Variants in NAT14 observed in about 807,000 individuals in gnomAD.
NAT14 encodes the protein N-acetyltransferase 14 (putative).
Under a neutral mutation model 12.1 loss-of-function variants are expected in NAT14, and 14 were observed. The observed-to-expected ratio is 1.16, with a 90% CI of 0.76 to 1.81. The LOEUF (loss-of-function observed/expected upper bound fraction) is 1.81. Among genes scored for constraint, NAT14 ranks in the 40% most tolerant of loss-of-function variants. The pLI is 0.00. For synonymous variants in NAT14, 156 were observed against 145.1 expected, an observed-to-expected ratio of 1.08 and a Z score of -0.54; for missense variants, 341 against 304.3, an observed-to-expected ratio of 1.12 and a Z score of -0.90.
chr19:55,486,997 C>T lies in NAT14; in HGVS notation c.*41C>T, dbSNP rs550429766. The T allele has an allele frequency of 2.1e-4, 324 of 1,519,400 alleles. 3 individuals carry two copies. In the South Asian group the frequency reaches 3.7e-3, roughly 17 times the overall value. The allele number at this position is 1,519,400 out of a possible 1,614,324, so 94.1% of individuals were successfully genotyped here. On this transcript the variant is annotated 3_prime_UTR_variant, in exon 3 of 3. Transcript: ENST00000205194. ...GCCAGGGCAGGGGAGGAGGGAGGGGCGCCAGCACCTGATGATCGCCTACTG... is the reference window on the plus strand; with the variant it reads ...GCCAGGGCAGGGGAGGAGGGAGGGGTGCCAGCACCTGATGATCGCCTACTG...
chr19:55,485,754 A>T lies in NAT14; in HGVS notation c.46A>T (p.Lys16Ter). ...AGTGCGGGAGATGAGGGAAGATGAG[A>T]AGCCCCTGGTGCTGGAGATGCTGAA... ...LSVREMREDE[K>*]PLVLEMLKAG... The change falls in exon 2 of 3, where the codon AAG (lysine) becomes TAG (stop). Residue 16 changes from lysine to a stop codon, truncating the protein, a stop_gained. Transcript: ENST00000205194. LOFTEE classifies it high-confidence loss of function. 1 of 1,550,978 alleles carries T rather than the reference A, an allele frequency of 6.4e-7. No homozygotes were observed. The highest frequency in any genetic ancestry group is 8.7e-7 in the Non-Finnish European group (1 of 1,146,618).
At position 55,487,139 on chromosome 19, in the gene NAT14, T is replaced by C. The variant is rs1599906875; in HGVS notation, c.*183T>C. 1.0e-6 allele frequency: 1 copy of C among 956,198 alleles called. No individual in the cohort carries two copies. Among genetic ancestry groups the C allele is most frequent in the Non-Finnish European group, 1.5e-6 (1 of 680,940 alleles). The allele number at this position is 956,198 out of a possible 1,614,324, so 59.2% of individuals were successfully genotyped here. A position where few individuals can be genotyped will look rare whatever the true frequency, so the allele number is the denominator to read the frequency against. Reference sequence around the variant, plus strand: ...CTGTCCACCCGTCAGCAGTGTGAAGTCTGTTGTGTTTGAGCTTCTCAGAGT... The same window carrying C: ...CTGTCCACCCGTCAGCAGTGTGAAGCCTGTTGTGTTTGAGCTTCTCAGAGT... On this transcript the variant is annotated 3_prime_UTR_variant, in exon 3 of 3. Coordinates refer to ENST00000205194, the MANE Select transcript of NAT14 (RefSeq NM_020378.4).
Position 55,487,165 on chromosome 19 carries a change from G to A in NAT14, c.*209G>A. On this transcript the variant is annotated 3_prime_UTR_variant, in exon 3 of 3. Transcript: ENST00000205194. The stretch of plus-strand genomic sequence containing the variant: ...CTGTTGTGTTTGAGCTTCTCAGAGT[G>A]GAATGACTCCTTTTCCTTCCTGGCC... 1 of 733,592 alleles carries A rather than the reference G, an allele frequency of 1.4e-6. No homozygotes were observed. The highest frequency in any genetic ancestry group is 2.1e-6 in the Non-Finnish European group (1 of 486,590). 45.4% of individuals were successfully genotyped at this position (733,592 alleles called of 1,614,324 possible).
In NAT14 at chr19:55,486,480, G is replaced by C. The variant is rs751260123; in HGVS notation, c.145G>C (p.Ala49Pro). The change falls in exon 3 of 3, where the codon GCG (alanine) becomes CCG (proline). Residue 49 changes from alanine (A) to proline (P), a missense_variant. Transcript: ENST00000205194. ...LTRPPALLLL[A>P]AASSGLRFVL... Reference sequence around the variant, plus strand: ...ACGGCCGCCGGCCCTGCTCCTCCTGGCGGCGGCCAGCAGCGGCCTGCGCTT... The same window carrying C: ...ACGGCCGCCGGCCCTGCTCCTCCTGCCGGCGGCCAGCAGCGGCCTGCGCTT... The C allele has an allele frequency of 3.2e-6, 5 of 1,560,498 alleles. No homozygotes were observed. The East Asian group carries it at 1.2e-4, about 38-fold the overall frequency.
chr19:55,485,635 C>T (rs1986894204), intron 1 of NAT14, 26 bp from the exon 2 acceptor site: 2 of 1,287,792 alleles, frequency 1.6e-6, no homozygotes, highest in Non-Finnish European at 2.2e-6. Context: ...GCCCCCCTGA[C>T]GCTGACCTAC....
In NAT14 at chr19:55,486,623, C is replaced by G. The variant is rs760992638; in HGVS notation, c.288C>G (p.Gly96=). The G allele has an allele frequency of 3.9e-5, 60 of 1,531,328 alleles. No individual in the cohort carries two copies. The highest frequency in any genetic ancestry group is 2.0e-5 in the Admixed American group (1 of 48,802). The allele number at this position is 1,531,328 out of a possible 1,614,324, so 94.9% of individuals were successfully genotyped here. Residue 96 remains glycine, a synonymous_variant, in exon 3 of 3, where the codon GGC becomes GGG. Transcript: ENST00000205194. ...TGCCTCCGCCGGGTGGCCTGGGGGG[C>G]CCCTGGGTGGCCGTGCGGGGCTCCG... is the stretch of plus-strand genomic sequence containing the variant. The part of the protein sequence containing the change: ...GSLPPPGGLG[G]PWVAVRGSGD...
rs780861982 is a variant in NAT14 at position 55,486,951 on chromosome 19, C to T, written c.616C>T (p.Leu206=). The T allele has an allele frequency of 2.6e-6, 4 of 1,557,892 alleles. No homozygotes were observed. Among genetic ancestry groups the T allele is most frequent in the Admixed American group, 1.8e-5 (1 of 54,706 alleles). ...YTLVREFSKD[L] ...GCTGGTGAGGGAATTCAGCAAAGAC[C>T]TGTGAAGCTACAGACTGACAGCCAG... The change falls in exon 3 of 3, where the codon CTG becomes TTG. Residue 206 remains leucine (L), a synonymous_variant. Transcript: ENST00000205194.
At chr19:55,486,187 T>C (rs935386905) in intron 2 of NAT14, 13 of 625,534 alleles carry the variant, frequency 2.1e-5, no homozygotes, top group Non-Finnish European at 3.4e-5. Flanking sequence ...GCATTGCTAC[T>C]GAATTGAGTG....
Position 55,486,542 on chromosome 19 carries a change from G to C in NAT14, c.207G>C (p.Pro69=). Residue 69 remains proline (P), a synonymous_variant, in exon 3 of 3, where the codon CCG becomes CCC. Transcript: ENST00000205194. ...LASFALALLL[P]VFLAVAAVKL... is the part of the protein sequence containing the mutation. The stretch of plus-strand genomic sequence containing the variant: ...CCTTCGCCCTGGCCCTCCTCCTGCC[G>C]GTGTTCCTGGCTGTGGCCGCCGTGA... The C allele has an allele frequency of 6.3e-7, 1 of 1,589,302 alleles. No homozygotes were observed. The highest frequency in any genetic ancestry group is 1.1e-5 in the South Asian group (1 of 89,186).
rs1261669430 is a variant in NAT14 at position 55,486,536 on chromosome 19, C to T, written c.201C>T (p.Leu67=). The change falls in exon 3 of 3, where the codon CTC becomes CTT. Residue 67 remains leucine (L), a synonymous_variant. Coordinates refer to ENST00000205194, the MANE Select transcript of NAT14 (RefSeq NM_020378.4). Reference sequence around the variant, plus strand: ...TGGCTTCCTTCGCCCTGGCCCTCCTCCTGCCGGTGTTCCTGGCTGTGGCCG... The same window carrying T: ...TGGCTTCCTTCGCCCTGGCCCTCCTTCTGCCGGTGTTCCTGGCTGTGGCCG... ...FVLASFALAL[L]LPVFLAVAAV... The T allele has an allele frequency of 8.2e-6, 13 of 1,589,384 alleles. No homozygotes were observed. Among genetic ancestry groups the T allele is most frequent in the African/African-American group, 2.7e-5 (2 of 73,622 alleles).
At chr19:55,486,330 C>A in intron 2 of NAT14, 78 bp from the exon 3 acceptor site, 1 of 1,386,912 alleles carries the variant, frequency 7.2e-7, no homozygotes, top group South Asian at 1.7e-5. Flanking sequence ...TCACCCCGCC[C>A]CGGGCAGGGT....
At position 55,486,679 on chromosome 19, in the gene NAT14, CT is replaced by C. The variant is rs1279941441; in HGVS notation, c.345del (p.Gly116AlafsTer84). 6.9e-7 allele frequency: 1 copy of C among 1,446,452 alleles called. No individual in the cohort carries two copies. The highest frequency in any genetic ancestry group is 1.5e-5 in the African/African-American group (1 of 66,848). 89.6% of individuals were successfully genotyped at this position (1,446,452 alleles called of 1,614,324 possible). On this transcript the variant is annotated frameshift_variant, in exon 3 of 3. Coordinates refer to ENST00000205194, the MANE Select transcript of NAT14 (RefSeq NM_020378.4). LOFTEE classifies it high-confidence loss of function. ...GTGTGTGGGGTCCTGGCTCTGGCCC[CT>C]GGCACAAATGCAGGGGACGGGGCCC... The part of the protein sequence containing the change: ...GDVCGVLALA[P>X]GTNAGDGARV...
intron 2 of NAT14, 173 bp from the exon 3 acceptor site, chr19:55,486,235 C>G: frequency 1.2e-6 from 1 of 849,638 alleles, no homozygotes; most frequent in Non-Finnish European, 1.7e-6. Flanking sequence ...ATCCATCATT[C>G]GCTCTCGTTC....
rs1407628202 is a variant in NAT14, at chr19:55,487,114, C to G, written c.*158C>G. The G allele has an allele frequency of 8.8e-7, 1 of 1,138,970 alleles. No homozygotes were observed. Among genetic ancestry groups the G allele is most frequent in the South Asian group, 1.7e-5 (1 of 60,500 alleles). 70.6% of individuals were successfully genotyped at this position (1,138,970 alleles called of 1,614,324 possible). Reference sequence around the variant, plus strand: ...CCTGCCGAGGGGAGGAGCCTGGCCTCTGTCCACCCGTCAGCAGTGTGAAGT... The same window carrying G: ...CCTGCCGAGGGGAGGAGCCTGGCCTGTGTCCACCCGTCAGCAGTGTGAAGT... On this transcript the variant is annotated 3_prime_UTR_variant, in exon 3 of 3. Transcript: ENST00000205194.
At position 55,486,229 on chromosome 19, in the gene NAT14, A is replaced by G. The variant is rs1488679174; in HGVS notation, c.73-179A>G. On this transcript the variant is annotated intron_variant, in intron 2 of 2. Transcript: ENST00000205194. ...CAGCTCCTAATTCACTCATCCATCC[A>G]TCATTCGCTCTCGTTCATTCATTCA... 7.5e-6 allele frequency: 6 copies of G among 802,684 alleles called. No homozygotes were observed. In the South Asian group the frequency reaches 1.1e-4, roughly 14 times the overall value. The allele number at this position is 802,684 out of a possible 1,614,324, so 49.7% of individuals were successfully genotyped here. A position where few individuals can be genotyped will look rare whatever the true frequency, so the allele number is the denominator to read the frequency against.
intron 1 of NAT14, 58 bp from the exon 2 acceptor site, chr19:55,485,603 G>A: frequency 1.1e-6 from 1 of 925,178 alleles, no homozygotes; most frequent in Non-Finnish European, 1.7e-6. Context: ...CTACCCCTCG[G>A]GGGAGCTTTG....
chr19:55,486,905 C>T lies in NAT14; in HGVS notation c.570C>T (p.Gly190=), dbSNP rs1986939418. The change falls in exon 3 of 3, where the codon GGC becomes GGT. Residue 190 remains glycine, a synonymous_variant. Transcript: ENST00000205194. ...LEGCGYQAEG[G]WGCLGYTLVR... The stretch of plus-strand genomic sequence containing the variant: ...GCTGTGGCTACCAGGCCGAGGGGGG[C>T]TGGGGCTGCCTGGGCTACACGCTGG... The T allele has an allele frequency of 3.2e-6, 5 of 1,556,188 alleles. No homozygotes were observed. In the Admixed American group the frequency reaches 5.5e-5, roughly 17 times the overall value.
intron 2 of NAT14, 24 bp downstream of exon 2, chr19:55,485,804 G>GCC: frequency 1.3e-6 from 2 of 1,518,426 alleles, no homozygotes; most frequent in Non-Finnish European, 1.8e-6. Context: ...GCCCCAGGGG[G>GCC]CCTGGGAGTG....
chr19:55,486,186 C>G, intron 2 of NAT14: 1 of 624,874 alleles, frequency 1.6e-6, no homozygotes, highest in Non-Finnish European at 2.6e-6. Flanking sequence ...GGCATTGCTA[C>G]TGAATTGAGT....
Sources: gnomAD v4.1 joint callset for allele counts on GRCh38, gnomAD v4.1.1 for gene constraint, MANE v1.5 for transcripts, NCBI Gene and HGNC (gene_info 2026-07-23, HGNC 2026-07-21) for gene names.